LURAP1L: variants seen among roughly 807,000 people sequenced by gnomAD.
LURAP1L encodes the protein leucine rich adaptor protein 1 like.
Under a neutral mutation model 13.8 loss-of-function variants are expected in LURAP1L, and 12 were observed. The observed-to-expected ratio is 0.87, with a 90% CI of 0.56 to 1.41. The LOEUF (loss-of-function observed/expected upper bound fraction) is 1.41, where lower values mean the gene tolerates loss of function less well. Among genes scored for constraint, LURAP1L ranks in the 40% most tolerant of loss-of-function variants. The probability of loss-of-function intolerance (pLI) is 0.00; values close to 1 mark genes in which losing one functional copy is unlikely to be tolerated. For synonymous variants in LURAP1L, 139 were observed against 119.2 expected (o/e 1.17, Z -1.08); for missense variants, 375 against 292.9 (o/e 1.28, Z -2.04).
chr9:12,788,630 T>A (rs1007175487), intron 1 of LURAP1L, among the ~76,000 whole-genome samples: 15 of 152,076 alleles, frequency 9.9e-5, no homozygotes, highest in African/African-American at 3.4e-4. Context: ...ATTAAAATTA[T>A]GTTGTAAATT....
At chr9:12,792,953 T>A (rs1819462708) in intron 1 of LURAP1L, among the ~76,000 whole-genome samples, 1 of 152,076 alleles carries the variant, frequency 6.6e-6, no homozygotes, top group Non-Finnish European at 1.5e-5. Context: ...CCGGAATAAT[T>A]ATGTGAGAAG....
Position 12,821,768 on chromosome 9 carries a change from T to G in LURAP1L, c.*8T>G, listed in dbSNP as rs202076434. On this transcript the variant is annotated 3_prime_UTR_variant, in exon 2 of 2. Coordinates refer to ENST00000319264, the MANE Select transcript of LURAP1L (RefSeq NM_203403.2). ...TACTACTGCTTTGGCTAGTGACAGT[T>G]TTTTGCATGGGACTGGTGTGCAATG... 30 of 1,605,834 alleles carry G rather than the reference T, an allele frequency of 1.9e-5. No homozygotes were observed. Among genetic ancestry groups the G allele is most frequent in the Non-Finnish European group, 2.2e-5 (26 of 1,173,610 alleles).
chr9:12,800,890 C>T (rs774051722), intron 1 of LURAP1L, among the ~76,000 whole-genome samples: 5 of 152,058 alleles, frequency 3.3e-5, no homozygotes, highest in South Asian at 4.2e-4. Flanking sequence ...ACTTAGTAAC[C>T]GGCAGCACAG....
chr9:12,802,669 T>C (rs754610548), intron 1 of LURAP1L, among the ~76,000 whole-genome samples: 2 of 152,172 alleles, frequency 1.3e-5, no homozygotes, highest in Non-Finnish European at 2.9e-5. Flanking sequence ...CTCAGTAACC[T>C]GCAGCACAGA....
chr9:12,780,418 A>G (rs1226576595), intron 1 of LURAP1L, among the ~76,000 whole-genome samples: 2 of 145,606 alleles, frequency 1.4e-5, no homozygotes, highest in African/African-American at 5.1e-5. Context: ...AGACCTCTAA[A>G]TTAAACCTGA....
At chr9:12,810,340 G>T (rs538883709) in intron 1 of LURAP1L, among the ~76,000 whole-genome samples, 1 of 152,118 alleles carries the variant, frequency 6.6e-6, no homozygotes, top group Non-Finnish European at 1.5e-5. Context: ...TCTGCTTCCA[G>T]TTTTCTGTTC....
At chr9:12,800,543 A>AC (rs1182180194) in intron 1 of LURAP1L, among the ~76,000 whole-genome samples, 2 of 152,092 alleles carry the variant, frequency 1.3e-5, no homozygotes, top group South Asian at 2.1e-4. Flanking sequence ...CAAAAAAAAA[A>AC]CAAAAAACAT....
intron 1 of LURAP1L, among the ~76,000 whole-genome samples, chr9:12,799,224 C>G (rs1216054396): frequency 6.6e-6 from 1 of 152,202 alleles, no homozygotes; most frequent in Non-Finnish European, 1.5e-5. Context: ...ACGCAGTACT[C>G]TGACTCCAAA....
rs573914540 is a variant in LURAP1L at position 12,818,145 on chromosome 9, A to T, written c.313-3241A>T. The stretch of plus-strand genomic sequence containing the variant: ...TTGCTTCCACTAAAAAAAAAAAAAA[A>T]AAAGATTTTCTTATTTAAATAAGTC... On this transcript the variant is annotated intron_variant, in intron 1 of 1. Coordinates refer to ENST00000319264, the MANE Select transcript of LURAP1L (RefSeq NM_203403.2). Among the ~76,000 whole-genome samples the T allele has an allele frequency of 2.5e-3, 386 of 152,216 alleles. 2 individuals are homozygous for T. The highest frequency in any genetic ancestry group is 8.9e-3 in the African/African-American group (369 of 41,532).
At chr9:12,820,280 G>C (rs552490477) in intron 1 of LURAP1L, among the ~76,000 whole-genome samples, 1 of 151,894 alleles carries the variant, frequency 6.6e-6, no homozygotes, top group Non-Finnish European at 1.5e-5. Context: ...CGAGGCGGGC[G>C]GATCACGCGG....
At chr9:12,813,742 C>T (rs536596107) in intron 1 of LURAP1L, among the ~76,000 whole-genome samples, 2 of 152,172 alleles carry the variant, frequency 1.3e-5, no homozygotes, top group African/African-American at 4.8e-5. Context: ...AGTAAAATTC[C>T]AACATAACCC....
At chr9:12,802,330 G>T (rs1489990608) in intron 1 of LURAP1L, among the ~76,000 whole-genome samples, 1 of 152,102 alleles carries the variant, frequency 6.6e-6, no homozygotes, top group Non-Finnish European at 1.5e-5. Flanking sequence ...GGTGGGAGGG[G>T]ATAGAATCAT....
chr9:12,795,176 A>T (rs1298918147), intron 1 of LURAP1L, among the ~76,000 whole-genome samples: 2 of 151,890 alleles, frequency 1.3e-5, no homozygotes, highest in Admixed American at 6.6e-5. Context: ...TTTGTAGATG[A>T]TGTTGCTTTT....
intron 1 of LURAP1L, among the ~76,000 whole-genome samples, chr9:12,802,781 A>G (rs1819604477): frequency 6.6e-6 from 1 of 152,086 alleles, no homozygotes. Context: ...TCTTTGCTCA[A>G]TATTCCAGAT....
Position 12,775,675 on chromosome 9 carries a change from C to T in LURAP1L, c.-41C>T. 6.5e-7 allele frequency: 1 copy of T among 1,528,026 alleles called. No homozygotes were observed. The highest frequency in any genetic ancestry group is 8.8e-7 in the Non-Finnish European group (1 of 1,141,502). The allele number at this position is 1,528,026 out of a possible 1,614,324, so 94.7% of individuals were successfully genotyped here. On this transcript the variant is annotated 5_prime_UTR_variant, in exon 1 of 2. Transcript: ENST00000319264. ...CTTCGAAGCCGTGGCTGCCTTTCATCTGCTGCGTTTTATTACTATTATCGC... is the reference window on the plus strand; with the variant it reads ...CTTCGAAGCCGTGGCTGCCTTTCATTTGCTGCGTTTTATTACTATTATCGC...
At position 12,778,385 on chromosome 9, in the gene LURAP1L, GT is replaced by G. The variant is rs1317583183; in HGVS notation, c.312+2360del. Among the ~76,000 whole-genome samples, 3 of 152,068 alleles carry G rather than the reference GT, an allele frequency of 2.0e-5. No individual in the cohort carries two copies. In the East Asian group the frequency reaches 5.8e-4, roughly 29 times the overall value. On this transcript the variant is annotated intron_variant, in intron 1 of 1. Transcript: ENST00000319264. ...AACCACTTTGAGACTCAGCTTTCTT[GT>G]TAACATAGGAATAAGAGCATCTCCA...
At chr9:12,776,719 G>T (rs1204280759) in intron 1 of LURAP1L, among the ~76,000 whole-genome samples, 2 of 152,038 alleles carry the variant, frequency 1.3e-5, no homozygotes, top group East Asian at 3.9e-4. Flanking sequence ...ATCTGCTAAG[G>T]ACCATCTCCC....
chr9:12,806,803 C>T (rs1168471747), intron 1 of LURAP1L, among the ~76,000 whole-genome samples: 1 of 151,512 alleles, frequency 6.6e-6, no homozygotes, highest in African/African-American at 2.4e-5. Flanking sequence ...TTTGAGGTGA[C>T]AGTGTTGTCG....
Position 12,775,953 on chromosome 9 carries a change from G to T in LURAP1L, c.238G>T (p.Gly80Cys), listed in dbSNP as rs774287296. 7 of 1,590,862 alleles carry T rather than the reference G, an allele frequency of 4.4e-6. No homozygotes were observed. The highest frequency in any genetic ancestry group is 1.8e-5 in the Admixed American group (1 of 56,354). Residue 80 changes from glycine (G) to cysteine (C), a missense_variant, in exon 1 of 2, where the codon GGC becomes TGC. Gly to Cys is a radical substitution (Grantham distance 159). Transcript: ENST00000319264. ...SSSSSSSPTS[G>C]SPRGSHSSAL... ...CTCCTCTTCGTCCTCCCCAACCTCT[G>T]GCTCCCCACGAGGTAGCCACTCTAG...
Sources: gnomAD v4.1 joint callset for allele counts (sites outside exome capture counted in the v4.1 genomes callset) on GRCh38, gnomAD v4.1.1 for gene constraint, MANE v1.5 for transcripts, NCBI Gene and HGNC (gene_info 2026-07-23, HGNC 2026-07-21) for gene names.